The following ZNF556 variants were observed in gnomAD, a reference collection of about 807,000 sequenced individuals.
The protein encoded by ZNF556 is zinc finger protein 556.
ZNF556 carries 11 observed loss-of-function variants against 13.6 expected under a neutral mutation model. The ratio of observed to expected loss-of-function variants is 0.81; its 90% confidence interval spans 0.51 to 1.33. The LOEUF (loss-of-function observed/expected upper bound fraction) is 1.33. ZNF556 is among the 40% of genes most tolerant of loss of function. ZNF556 has a pLI of 0.00. For missense variants in ZNF556, 633 were observed against 566.2 expected, an observed-to-expected ratio of 1.12 and a Z score of -1.20; for synonymous variants, 229 against 207.8, an observed-to-expected ratio of 1.10 and a Z score of -0.88.
chr19:2,876,493 G>T (rs982172558), intron 3 of ZNF556, among the ~76,000 whole-genome samples: 6 of 152,196 alleles, frequency 3.9e-5, no homozygotes, highest in African/African-American at 1.4e-4. Flanking sequence ...GCCGAGGGAG[G>T]CGGATCACCT....
chr19:2,877,694 T>C lies in ZNF556; in HGVS notation c.736T>C (p.Phe246Leu). 6.2e-7 allele frequency: 1 copy of C among 1,613,954 alleles called. No individual in the cohort carries two copies. Among genetic ancestry groups the C allele is most frequent in the Non-Finnish European group, 8.5e-7 (1 of 1,179,982 alleles). The change falls in exon 4 of 4, where the codon TTT becomes CTT. Residue 246 changes from phenylalanine to leucine, a missense_variant. Phe to Leu is a conservative substitution (Grantham distance 22, BLOSUM62 0). Coordinates refer to ENST00000307635, the MANE Select transcript of ZNF556 (RefSeq NM_024967.3). ...CGKGFSCPKS[F>L]RAHVMMHAGG... Reference sequence around the variant, plus strand: ...GAAAGGCTTCAGTTGTCCCAAATCCTTTCGCGCACATGTGATGATGCACGC... The same window carrying C: ...GAAAGGCTTCAGTTGTCCCAAATCCCTTCGCGCACATGTGATGATGCACGC...
At position 2,867,414 on chromosome 19, in the gene ZNF556, G is replaced by C. The variant is rs748999354; in HGVS notation, c.-8G>C. ...GAGCTCCTCAAAGAGCTCAGGAACG[G>C]ACAGGACATGGTGAGTGCAGGGCAG... On this transcript the variant is annotated 5_prime_UTR_variant, in exon 1 of 4. Coordinates refer to ENST00000307635, the MANE Select transcript of ZNF556 (RefSeq NM_024967.3). 6.3e-7 allele frequency: 1 copy of C among 1,584,354 alleles called. No individual in the cohort carries two copies. The highest frequency in any genetic ancestry group is 2.3e-5 in the East Asian group (1 of 43,974).
At chr19:2,873,758 A>T in intron 2 of ZNF556, 136 bp downstream of exon 2, 1 of 1,046,128 alleles carries the variant, frequency 9.6e-7, no homozygotes, top group Non-Finnish European at 1.4e-6. Context: ...GTTGACAACC[A>T]GCCTGGGCAA....
In ZNF556 at chr19:2,880,110, C is replaced by A. The variant is rs368254586; in HGVS notation, c.*1781C>A. ...ACTGCATCTACTGTGACCTAGTATT[C>A]TTCGTGAGATAAATCTTACCTTTCA... On this transcript the variant is annotated 3_prime_UTR_variant, in exon 4 of 4. Transcript: ENST00000307635. The A allele has an allele frequency of 1.2e-4, 19 of 152,284 alleles. No individual in the cohort carries two copies. Among genetic ancestry groups the A allele is most frequent in the African/African-American group, 4.6e-4 (19 of 41,568 alleles). The allele number at this position is 152,284 out of a possible 1,614,324, so 9.4% of individuals were successfully genotyped here. A position where few individuals can be genotyped will look rare whatever the true frequency, so the allele number is the denominator to read the frequency against.
Position 2,882,547 on chromosome 19 carries a change from T to TA in ZNF556, c.*4218_*4219insA, listed in dbSNP as rs2087912962. 3.3e-5 allele frequency: 5 copies of TA among 151,296 alleles called. No homozygotes were observed. The highest frequency in any genetic ancestry group is 1.2e-4 in the African/African-American group (5 of 40,872). The allele number at this position is 151,296 out of a possible 1,614,324, so 9.4% of individuals were successfully genotyped here. A position where few individuals can be genotyped will look rare whatever the true frequency, so the allele number is the denominator to read the frequency against. On this transcript the variant is annotated 3_prime_UTR_variant, in exon 4 of 4. Transcript: ENST00000307635. ...TATATATATAGTGTGTGTGTGTGTG[T>TA]GTGTGTGTGTGTGTGTGTGAATGTG...
intron 1 of ZNF556, among the ~76,000 whole-genome samples, chr19:2,869,185 C>T (rs1599576316): frequency 2.0e-5 from 3 of 152,112 alleles, no homozygotes; most frequent in East Asian, 3.9e-4. Flanking sequence ...TTCTCAGCTG[C>T]ACTGCAGTAT....
intron 1 of ZNF556, among the ~76,000 whole-genome samples, chr19:2,871,542 G>A (rs7259300): frequency 0.11 from 16,398 of 152,130 alleles, 2,973 homozygotes; most frequent in African/African-American, 0.38. Flanking sequence ...GGCCTGGTGC[G>A]GTGGTTCACG....
chr19:2,867,667 G>A (rs1040031440), intron 1 of ZNF556, among the ~76,000 whole-genome samples: 2 of 149,434 alleles, frequency 1.3e-5, no homozygotes, highest in African/African-American at 4.9e-5. Flanking sequence ...CTCCTGCCCT[G>A]TGGGGTCTCG....
At chr19:2,872,064 A>AG (rs1355035075) in intron 1 of ZNF556, among the ~76,000 whole-genome samples, 2 of 152,206 alleles carry the variant, frequency 1.3e-5, no homozygotes, top group Non-Finnish European at 2.9e-5. Flanking sequence ...GCTATCTAGA[A>AG]GGCAGAGCCA....
At chr19:2,867,718 AC>A (rs200047350) in intron 1 of ZNF556, among the ~76,000 whole-genome samples, 9,510 of 135,082 alleles carry the variant, frequency 0.07, 723 homozygotes, top group East Asian at 0.17. Context: ...AGTACAAAAA[AC>A]AAAACAAAAA....
intron 1 of ZNF556, among the ~76,000 whole-genome samples, chr19:2,870,040 C>T (rs1247575929): frequency 6.6e-6 from 1 of 152,118 alleles, no homozygotes; most frequent in Non-Finnish European, 1.5e-5. Flanking sequence ...TTTCTCCCAC[C>T]CAGAACAATT....
chr19:2,873,760 C>A, intron 2 of ZNF556, 138 bp downstream of exon 2: 1 of 1,024,828 alleles, frequency 9.8e-7, no homozygotes, highest in Non-Finnish European at 1.4e-6. Flanking sequence ...TGACAACCAG[C>A]CTGGGCAACA....
chr19:2,868,800 C>T (rs2087778563), intron 1 of ZNF556, among the ~76,000 whole-genome samples: 1 of 151,484 alleles, frequency 6.6e-6, no homozygotes, highest in Admixed American at 6.6e-5. Flanking sequence ...CTTACTGCAA[C>T]CTCCGCCTCC....
In ZNF556 at chr19:2,880,867, A is replaced by G. The variant is rs986272798; in HGVS notation, c.*2538A>G. 1 of 139,196 alleles carries G rather than the reference A, an allele frequency of 7.2e-6. No individual in the cohort carries two copies. The highest frequency in any genetic ancestry group is 2.7e-5 in the African/African-American group (1 of 36,996). The allele number at this position is 139,196 out of a possible 1,614,324, so 8.6% of individuals were successfully genotyped here. A position where few individuals can be genotyped will look rare whatever the true frequency, so the allele number is the denominator to read the frequency against. On this transcript the variant is annotated 3_prime_UTR_variant, in exon 4 of 4. Coordinates refer to ENST00000307635, the MANE Select transcript of ZNF556 (RefSeq NM_024967.3). ...CTATACTGTTATAATTTTGTCTAAG[A>G]AATTCTTTTTTTTTTTTTTGAGACA...
chr19:2,873,442 G>T, intron 1 of ZNF556, 54 bp from the exon 2 acceptor site: 1 of 1,601,022 alleles, frequency 6.2e-7, no homozygotes, highest in Non-Finnish European at 8.5e-7. Flanking sequence ...GTTCAGTTCC[G>T]CAGTGCTGTG....
Position 2,881,272 on chromosome 19 carries a change from A to T in ZNF556, c.*2943A>T, listed in dbSNP as rs1485631153. The T allele has an allele frequency of 6.6e-6, 1 of 152,236 alleles. No individual in the cohort carries two copies. Among genetic ancestry groups the T allele is most frequent in the Admixed American group, 6.5e-5 (1 of 15,268 alleles). 9.4% of individuals were successfully genotyped at this position (152,236 alleles called of 1,614,324 possible). A position where few individuals can be genotyped will look rare whatever the true frequency, so the allele number is the denominator to read the frequency against. On this transcript the variant is annotated 3_prime_UTR_variant, in exon 4 of 4. Coordinates refer to ENST00000307635, the MANE Select transcript of ZNF556 (RefSeq NM_024967.3). The stretch of plus-strand genomic sequence containing the variant: ...GACATAAAAAGATAACTAATAAAAC[A>T]AGTTTAAACTTTATTGGAGCCCAGT...
chr19:2,872,775 C>T lies in ZNF556; in HGVS notation c.4-721C>T, dbSNP rs1396714039. On this transcript the variant is annotated intron_variant, in intron 1 of 3. Coordinates refer to ENST00000307635, the MANE Select transcript of ZNF556 (RefSeq NM_024967.3). ...TGGAGGTTGCAATGAGCCGGGATCG[C>T]GCCACTGCACTCCAGTCTGGGTGAC... Among the ~76,000 whole-genome samples the T allele has an allele frequency of 5.4e-5, 8 of 147,320 alleles. No individual in the cohort carries two copies. In the South Asian group the frequency reaches 8.7e-4, roughly 16 times the overall value.
In ZNF556 at chr19:2,883,360, G is replaced by A. The variant is rs1185013955; in HGVS notation, c.*5031G>A. The A allele has an allele frequency of 6.6e-6, 1 of 152,092 alleles. No homozygotes were observed. The highest frequency in any genetic ancestry group is 2.1e-4 in the South Asian group (1 of 4,824). The allele number at this position is 152,092 out of a possible 1,614,324, so 9.4% of individuals were successfully genotyped here. On this transcript the variant is annotated 3_prime_UTR_variant, in exon 4 of 4. Transcript: ENST00000307635. Reference sequence around the variant, plus strand: ...TGTCCATTTGATTTTCATAGGTATCGTTTCCATATGCTTAGACTTCCAGCA... The same window carrying A: ...TGTCCATTTGATTTTCATAGGTATCATTTCCATATGCTTAGACTTCCAGCA...
intron 1 of ZNF556, among the ~76,000 whole-genome samples, chr19:2,869,635 G>C (rs899542962): frequency 6.6e-6 from 1 of 152,072 alleles, no homozygotes; most frequent in Non-Finnish European, 1.5e-5. Flanking sequence ...CAAAGTGCTG[G>C]GATTAACAGG....
Sources: gnomAD v4.1 joint callset for allele counts (sites outside exome capture counted in the v4.1 genomes callset) on GRCh38, gnomAD v4.1.1 for gene constraint, MANE v1.5 for transcripts, NCBI Gene and HGNC (gene_info 2026-07-23, HGNC 2026-07-21) for gene names.